CDKL5: variants seen among roughly 807,000 people sequenced by gnomAD.
CDKL5 encodes the protein cyclin-dependent kinase-like 5.
CDKL5 carries 8 observed loss-of-function variants against 61.7 expected under a neutral mutation model. That is an observed-to-expected ratio of 0.13 (90% CI 0.08 to 0.23). CDKL5 has a LOEUF of 0.23. Among genes scored for constraint, CDKL5 ranks in the 10% least tolerant of loss-of-function variants. The probability of loss-of-function intolerance (pLI) is 1.00; values close to 1 mark genes in which losing one functional copy is unlikely to be tolerated. For missense variants in CDKL5, 440 were observed against 734.5 expected (o/e 0.60, Z 4.63); for synonymous variants, 275 against 272.3 (o/e 1.01, Z -0.10).
At chrX:18,605,367 G>C (rs1449884040) in intron 12 of CDKL5, among the ~76,000 whole-genome samples, 1 of 111,983 alleles carries the variant, frequency 8.9e-6, no homozygotes, top group Non-Finnish European at 1.9e-5. Flanking sequence ...TTCATACCAG[G>C]ATAAATGTTA....
At chrX:18,553,465 C>CGTGTGTGTGT (rs201802099) in intron 3 of CDKL5, among the ~76,000 whole-genome samples, 6 of 90,831 alleles carry the variant, frequency 6.6e-5, no homozygotes, top group East Asian at 7.1e-4. Context: ...TGTGTGTGTG[C>CGTGTGTGTGT]GTGTGTGTGT....
intron 1 of CDKL5, among the ~76,000 whole-genome samples, chrX:18,440,269 T>C (rs1931708003): frequency 1.8e-5 from 2 of 112,143 alleles, no homozygotes; most frequent in Admixed American, 9.5e-5. Context: ...ATTTCAAAAA[T>C]GTTTAAGGCA....
chrX:18,648,548 T>C (rs1211520374), intron 20 of CDKL5, among the ~76,000 whole-genome samples: 1 of 111,437 alleles, frequency 9.0e-6, no homozygotes, highest in African/African-American at 3.3e-5. Flanking sequence ...CAGCCTCCCC[T>C]TCTTTTTGAC....
downstream of CDKL5, chrX:18,644,473 C>T (rs758816133): frequency 1.6e-5 from 19 of 1,211,447 alleles, no homozygotes; most frequent in Middle Eastern, 2.3e-4. Context: ...CCAGTTCAGG[C>T]GCTCATCGGT....
At chrX:18,512,005 G>A (rs1032981292) in intron 3 of CDKL5, among the ~76,000 whole-genome samples, 1 of 111,494 alleles carries the variant, frequency 9.0e-6, no homozygotes, top group Non-Finnish European at 1.9e-5. Context: ...GATTACCCTT[G>A]AACAGCTGTG....
chrX:18,545,319 A>G (rs1418358574), intron 3 of CDKL5, among the ~76,000 whole-genome samples: 1 of 111,733 alleles, frequency 8.9e-6, no homozygotes, highest in Non-Finnish European at 1.9e-5. Context: ...AAATTTAACC[A>G]GATTATTTCT....
At chrX:18,443,949 TTTCGTTG>T (rs1349411639) in intron 1 of CDKL5, 1 of 111,936 alleles carries the variant, frequency 8.9e-6, no homozygotes, top group African/African-American at 3.2e-5. Flanking sequence ...TTAGTTGTAA[TTTCGTTG>T]TAGGTAAGTA....
At chrX:18,482,973 G>A (rs1294515916) in intron 1 of CDKL5, among the ~76,000 whole-genome samples, 2 of 111,627 alleles carry the variant, frequency 1.8e-5, no homozygotes, top group Non-Finnish European at 3.8e-5. Flanking sequence ...TAAAAATATT[G>A]CTTTAAAAAT....
intron 1 of CDKL5, among the ~76,000 whole-genome samples, chrX:18,434,818 C>T (rs916828277): frequency 4.5e-5 from 5 of 111,335 alleles, no homozygotes; most frequent in African/African-American, 1.3e-4. Flanking sequence ...ATCCCAGCTA[C>T]TCAGGAGGCT....
intron 12 of CDKL5, among the ~76,000 whole-genome samples, chrX:18,606,856 G>C (rs1337760294): frequency 8.9e-6 from 1 of 112,293 alleles, no homozygotes; most frequent in Non-Finnish European, 1.9e-5. Context: ...GTCAGTGCCA[G>C]TGGGAAACGG....
intron 16 of CDKL5, among the ~76,000 whole-genome samples, chrX:18,622,693 A>AG (rs1465357713): frequency 8.9e-6 from 1 of 111,805 alleles, no homozygotes; most frequent in Non-Finnish European, 1.9e-5. Context: ...TCACTGGTAT[A>AG]GGAACTGAGC....
At chrX:18,446,954 A>G (rs1218118510) in intron 1 of CDKL5, among the ~76,000 whole-genome samples, 2 of 111,877 alleles carry the variant, frequency 1.8e-5, no homozygotes, top group Non-Finnish European at 3.8e-5. Flanking sequence ...GTCCTTTGCC[A>G]GGAGCCTTAG....
Position 18,639,383 on chromosome X carries a change from CA to C in CDKL5, c.*10629del, listed in dbSNP as rs1927488626. On this transcript the variant is annotated 3_prime_UTR_variant, in exon 18 of 18. Coordinates refer to ENST00000623535, the MANE Select transcript of CDKL5 (RefSeq NM_001323289.2). ...TGAAAAACCTTTATCCAAAGATGTACAAATGGCCAGTAAACACATGAAAAGA... is the reference window on the plus strand; with the variant it reads ...TGAAAAACCTTTATCCAAAGATGTACAATGGCCAGTAAACACATGAAAAGA... Among the ~76,000 whole-genome samples, 1 of 112,286 alleles carries C rather than the reference CA, an allele frequency of 8.9e-6. No homozygotes were observed. Among genetic ancestry groups the C allele is most frequent in the African/African-American group, 3.2e-5 (1 of 30,895 alleles).
intron 3 of CDKL5, among the ~76,000 whole-genome samples, chrX:18,532,676 C>T (rs1278674418): frequency 9.0e-6 from 1 of 111,432 alleles, no homozygotes; most frequent in African/African-American, 3.3e-5. Context: ...GACAATTTGG[C>T]TAAAATGTGT....
chrX:18,520,858 T>C (rs1322679205), intron 3 of CDKL5, among the ~76,000 whole-genome samples: 3 of 111,702 alleles, frequency 2.7e-5, no homozygotes, highest in African/African-American at 9.8e-5. Flanking sequence ...TGCCTCAGCC[T>C]CCCGAGTAAC....
At chrX:18,622,381 CAT>C (rs898109078) in intron 16 of CDKL5, among the ~76,000 whole-genome samples, 27 of 111,959 alleles carry the variant, frequency 2.4e-4, no homozygotes, top group Non-Finnish European at 2.6e-4. Flanking sequence ...TTAAATGAAA[CAT>C]AAAATTTAAG....
In CDKL5 at chrX:18,432,075, A is replaced by ATTTC. The variant is rs201355473; in HGVS notation, c.-163+6404_-163+6407dup. Among the ~76,000 whole-genome samples, 217 of 97,965 alleles carry ATTTC rather than the reference A, an allele frequency of 2.2e-3. 2 individuals carry two copies. The highest frequency in any genetic ancestry group is 0.012 in the Middle Eastern group (2 of 164). 85.1% of individuals were successfully genotyped at this position (97,965 alleles called of 115,157 possible). On this transcript the variant is annotated intron_variant, in intron 1 of 17. Transcript: ENST00000623535. ...AGGCACATGCCACTGCACCTGGCTA[A>ATTTC]TTTCTTTCTTTCTTTCTTTCTTTCT...
intron 3 of CDKL5, among the ~76,000 whole-genome samples, chrX:18,562,072 A>G (rs1924824742): frequency 8.9e-6 from 1 of 111,971 alleles, no homozygotes; most frequent in South Asian, 3.7e-4. Context: ...TCAACAAGAA[A>G]ATATTAACCC....
intron 11 of CDKL5, among the ~76,000 whole-genome samples, chrX:18,601,068 T>C (rs1474917194): frequency 8.9e-6 from 1 of 111,866 alleles, no homozygotes; most frequent in Non-Finnish European, 1.9e-5. Context: ...TTAGAGATGC[T>C]CACAGCACCA....
Sources: gnomAD v4.1 joint callset for allele counts (sites outside exome capture counted in the v4.1 genomes callset) on GRCh38, gnomAD v4.1.1 for gene constraint, MANE v1.5 for transcripts, NCBI Gene and HGNC (gene_info 2026-07-23, HGNC 2026-07-21) for gene names.